COL27A1: variants seen among roughly 807,000 people sequenced by gnomAD.
COL27A1 encodes collagen type XXVII alpha 1 chain.
COL27A1 carries 106 observed loss-of-function variants against 251.3 expected under a neutral mutation model. The ratio of observed to expected loss-of-function variants is 0.42; its 90% confidence interval spans 0.36 to 0.50. The LOEUF (loss-of-function observed/expected upper bound fraction) is 0.50, where lower values mean the gene tolerates loss of function less well. Among genes scored for constraint, COL27A1 ranks in the 20% least tolerant of loss-of-function variants. The probability of loss-of-function intolerance (pLI) is 0.00; values close to 1 mark genes in which losing one functional copy is unlikely to be tolerated. For missense variants in COL27A1, 2,325 were observed against 2,522.8 expected (o/e 0.92, Z 1.68); for synonymous variants, 1,000 against 986.3 (o/e 1.01, Z -0.26).
intron 4 of COL27A1, among the ~76,000 whole-genome samples, chr9:114,181,812 G>T (rs2135167156): frequency 6.6e-6 from 1 of 152,288 alleles, no homozygotes; most frequent in Middle Eastern, 3.4e-3. Context: ...ACCAGGCCCT[G>T]GACCCTGATC....
intron 4 of COL27A1, among the ~76,000 whole-genome samples, chr9:114,181,055 G>C (rs1484939209): frequency 2.0e-5 from 3 of 152,174 alleles, no homozygotes; most frequent in African/African-American, 7.2e-5. Context: ...TGAGCTTGTG[G>C]TTAGACCTGG....
At chr9:114,304,747 T>A (rs1011342685) in intron 57 of COL27A1, 74 bp downstream of exon 57, 5 of 1,319,912 alleles carry the variant, frequency 3.8e-6, no homozygotes, top group East Asian at 2.3e-5. Context: ...CCACATGTGG[T>A]CAGTGCCTTC....
intron 49 of COL27A1, among the ~76,000 whole-genome samples, chr9:114,295,560 C>T (rs556704152): frequency 1.3e-5 from 2 of 152,238 alleles, no homozygotes; most frequent in South Asian, 2.1e-4. Flanking sequence ...GCAGTCATCA[C>T]GAAACTGTGG....
chr9:114,193,870 A>C (rs2135238236), intron 5 of COL27A1, among the ~76,000 whole-genome samples: 1 of 152,300 alleles, frequency 6.6e-6, no homozygotes, highest in Middle Eastern at 3.4e-3. Flanking sequence ...GGCCACGTGC[A>C]CGGGCAGAGA....
chr9:114,283,723 C>T lies in COL27A1; in HGVS notation c.3894C>T (p.Arg1298=), dbSNP rs1469941171. The T allele has an allele frequency of 2.5e-6, 4 of 1,613,954 alleles. No homozygotes were observed. Among genetic ancestry groups the T allele is most frequent in the Non-Finnish European group, 3.4e-6 (4 of 1,179,988 alleles). ...GSLGPTGAPG[R]MGAQGEPGLA... is the part of the protein sequence containing the mutation. ...TCCTCTTGTAGGGTGCTCCGGGACG[C>T]ATGGGGGCCCAAGGAGAACCGGGAC... Residue 1298 remains arginine, a synonymous_variant, in exon 40 of 61, where the codon CGC becomes CGT. Coordinates refer to ENST00000356083, the MANE Select transcript of COL27A1 (RefSeq NM_032888.4).
chr9:114,204,565 C>G (rs765030345), intron 7 of COL27A1, among the ~76,000 whole-genome samples: 5 of 151,958 alleles, frequency 3.3e-5, no homozygotes, highest in African/African-American at 1.2e-4. Flanking sequence ...GAGCTGGGGC[C>G]GGTGGGAGAA....
chr9:114,246,382 T>G (rs1027301756), intron 24 of COL27A1, among the ~76,000 whole-genome samples: 3 of 152,136 alleles, frequency 2.0e-5, no homozygotes, highest in Non-Finnish European at 2.9e-5. Flanking sequence ...AGAAGCTGGG[T>G]CAAGGTCTGA....
At chr9:114,261,930 G>A (rs1403038233) in intron 28 of COL27A1, among the ~76,000 whole-genome samples, 1 of 152,194 alleles carries the variant, frequency 6.6e-6, no homozygotes, top group Admixed American at 6.5e-5. Flanking sequence ...ATTATTATTT[G>A]ATGACTTAAG....
chr9:114,171,079 G>A (rs1849285834), intron 3 of COL27A1, among the ~76,000 whole-genome samples: 1 of 152,218 alleles, frequency 6.6e-6, no homozygotes, highest in Non-Finnish European at 1.5e-5. Context: ...GTATGTCTGA[G>A]TCAAATACTT....
rs557610381 is a variant in COL27A1 at position 114,166,925 on chromosome 9, C to T, written c.134-764C>T. On this transcript the variant is annotated intron_variant, in intron 2 of 60. Coordinates refer to ENST00000356083, the MANE Select transcript of COL27A1 (RefSeq NM_032888.4). ...TTGCTTCCTCTCCTCTCCCCAGAGT[C>T]CTGTGGGGAGAAGGAGGAGTCAGCG... Among the ~76,000 whole-genome samples the T allele has an allele frequency of 2.0e-5, 3 of 152,272 alleles. No individual in the cohort carries two copies. In the South Asian group the frequency reaches 6.2e-4, roughly 32 times the overall value.
At chr9:114,274,614 A>G (rs1282181997) in intron 36 of COL27A1, among the ~76,000 whole-genome samples, 1 of 152,218 alleles carries the variant, frequency 6.6e-6, no homozygotes, top group Admixed American at 6.5e-5. Context: ...AATAAGAATG[A>G]TCGCCATGCA....
chr9:114,251,864 A>G (rs1833566559), intron 25 of COL27A1, among the ~76,000 whole-genome samples: 1 of 151,962 alleles, frequency 6.6e-6, no homozygotes, highest in African/African-American at 2.4e-5. Flanking sequence ...TAGCACCATG[A>G]CCCCCACCCT....
At chr9:114,291,038 T>C in intron 48 of COL27A1, 121 bp downstream of exon 48, 1 of 647,100 alleles carries the variant, frequency 1.5e-6, no homozygotes, top group Non-Finnish European at 2.6e-6. Flanking sequence ...GAGTCCACAT[T>C]GTTGACCTTT....
chr9:114,270,865 A>T, intron 36 of COL27A1, 84 bp downstream of exon 36: 2 of 1,035,024 alleles, frequency 1.9e-6, no homozygotes, highest in Non-Finnish European at 3.0e-6. Context: ...TCCCAGAAAC[A>T]CTGTGTTCCC....
chr9:114,291,998 T>C, intron 48 of COL27A1, 105 bp from the exon 49 acceptor site: 1 of 993,600 alleles, frequency 1.0e-6, no homozygotes, highest in Non-Finnish European at 1.6e-6. Flanking sequence ...CAATCTCGGG[T>C]ACCCTGTGGA....
intron 5 of COL27A1, among the ~76,000 whole-genome samples, chr9:114,194,134 A>G (rs1049389723): frequency 6.6e-6 from 1 of 152,096 alleles, no homozygotes; most frequent in Admixed American, 6.6e-5. Flanking sequence ...CAGAGTCTAG[A>G]TAGGGTGCCT....
At chr9:114,212,312 C>G (rs1830423250) in intron 12 of COL27A1, among the ~76,000 whole-genome samples, 1 of 152,250 alleles carries the variant, frequency 6.6e-6, no homozygotes, top group Admixed American at 6.5e-5. Flanking sequence ...AGCATGACCT[C>G]AGGCAAGGAG....
chr9:114,231,977 G>C (rs1831997347), intron 16 of COL27A1, 111 bp downstream of exon 16: 1 of 1,038,776 alleles, frequency 9.6e-7, no homozygotes. Flanking sequence ...CACTCTTCCT[G>C]CCTCTCCTCT....
intron 31 of COL27A1, 147 bp downstream of exon 31, chr9:114,265,257 T>G: frequency 9.0e-7 from 1 of 1,107,262 alleles, no homozygotes; most frequent in Non-Finnish European, 1.3e-6. Context: ...TGCCCTGCAC[T>G]GAAGCTCCTC....
Sources: gnomAD v4.1 joint callset for allele counts (sites outside exome capture counted in the v4.1 genomes callset) on GRCh38, gnomAD v4.1.1 for gene constraint, MANE v1.5 for transcripts, NCBI Gene and HGNC (gene_info 2026-07-23, HGNC 2026-07-21) for gene names.